Variants in RCAN1 observed in about 807,000 individuals in gnomAD.
RCAN1 encodes calcipressin-1.
In RCAN1, 11 loss-of-function variants were observed where a neutral mutation model predicts 22.9. The ratio of observed to expected loss-of-function variants is 0.48; its 90% CI spans 0.30 to 0.79. The LOEUF (loss-of-function observed/expected upper bound fraction) is 0.79, where lower values mean the gene tolerates loss of function less well. Among genes scored for constraint, RCAN1 ranks in the 30% least tolerant of loss-of-function variants. RCAN1 has a pLI of 0.06. For synonymous variants in RCAN1, 136 were observed against 142.3 expected (o/e 0.96, Z 0.32); for missense variants, 291 against 337.8 (o/e 0.86, Z 1.09).
At position 34,518,757 on chromosome 21, in the gene RCAN1, G is replaced by A. The variant is rs530458127; in HGVS notation, c.587-501C>T. 5.6e-4 allele frequency among the ~76,000 whole-genome samples: 86 copies of A among 152,346 alleles called. 1 individual carries two copies. The South Asian group carries it at 7.0e-3, about 12-fold the overall frequency. ...GCAGCAGACGCAGGGGTGGCTGCACGGAGCCAGGTGCTCTGGAAACGTTTT... is the reference window on the plus strand; with the variant it reads ...GCAGCAGACGCAGGGGTGGCTGCACAGAGCCAGGTGCTCTGGAAACGTTTT... On this transcript the variant is annotated intron_variant, in intron 3 of 3. Coordinates refer to ENST00000313806, the MANE Select transcript of RCAN1 (RefSeq NM_004414.7). This position sits in a 1 kb window ranked among gnomAD's most constrained non-coding sequence, Gnocchi z 4.2.
intron 1 of RCAN1, among the ~76,000 whole-genome samples, chr21:34,546,014 G>A (rs1435807399): frequency 6.6e-6 from 1 of 152,144 alleles, no homozygotes; most frequent in African/African-American, 2.4e-5. Flanking sequence ...TATCTTAACT[G>A]GATCTCTGTG....
At chr21:34,563,846 A>G (rs1392886860) in intron 1 of RCAN1, among the ~76,000 whole-genome samples, 1 of 143,400 alleles carries the variant, frequency 7.0e-6, no homozygotes, top group East Asian at 2.0e-4. Context: ...GGTGCCTATA[A>G]TCACAGCTAC....
At chr21:34,533,125 T>C (rs1246012422) in intron 1 of RCAN1, among the ~76,000 whole-genome samples, 3 of 151,762 alleles carry the variant, frequency 2.0e-5, no homozygotes, top group Non-Finnish European at 2.9e-5. Flanking sequence ...CACGCCCGGC[T>C]AATTTTTTGT....
chr21:34,538,238 C>G (rs1221762362), intron 1 of RCAN1, among the ~76,000 whole-genome samples: 1 of 152,222 alleles, frequency 6.6e-6, no homozygotes, highest in African/African-American at 2.4e-5. Flanking sequence ...AAGATAGTTT[C>G]TTAAAAGATC....
chr21:34,572,202 A>C (rs1987258103), intron 1 of RCAN1, among the ~76,000 whole-genome samples: 1 of 152,220 alleles, frequency 6.6e-6, no homozygotes, highest in African/African-American at 2.4e-5. Flanking sequence ...CCTCGAATTA[A>C]AAATTCCAGG....
intron 1 of RCAN1, among the ~76,000 whole-genome samples, chr21:34,535,401 C>CT (rs35170628): frequency 0.1 from 15,276 of 146,314 alleles, 1,190 homozygotes; most frequent in East Asian, 0.25. Context: ...AACACATAAC[C>CT]TTTTTTTTTT....
At chr21:34,533,012 G>C (rs1012770261) in intron 1 of RCAN1, among the ~76,000 whole-genome samples, 9 of 150,292 alleles carry the variant, frequency 6.0e-5, no homozygotes, top group African/African-American at 1.2e-4. Context: ...CCAGGCTGGA[G>C]TGCAGTGGCA....
chr21:34,545,357 A>G lies in RCAN1; in HGVS notation c.253-21647T>C, dbSNP rs1026078130. Among the ~76,000 whole-genome samples the G allele has an allele frequency of 4.6e-5, 7 of 152,230 alleles. 1 individual carries two copies. Among genetic ancestry groups the G allele is most frequent in the African/African-American group, 7.2e-5 (3 of 41,464 alleles). The stretch of plus-strand genomic sequence containing the variant: ...ACAGTTTCTAACAAAAGGCTTTGCT[A>G]GTACAGTGCCTGAGTGTGGGTGTCC... On this transcript the variant is annotated intron_variant, in intron 1 of 3. Coordinates refer to ENST00000313806, the MANE Select transcript of RCAN1 (RefSeq NM_004414.7).
chr21:34,533,855 G>A (rs1985545896), intron 1 of RCAN1, among the ~76,000 whole-genome samples: 1 of 152,304 alleles, frequency 6.6e-6, no homozygotes, highest in East Asian at 1.9e-4. Context: ...GGATGCTGGG[G>A]AACAGCATTC....
chr21:34,587,333 T>A (rs1443786037), intron 1 of RCAN1, among the ~76,000 whole-genome samples: 1 of 152,132 alleles, frequency 6.6e-6, no homozygotes, highest in Non-Finnish European at 1.5e-5. Flanking sequence ...CACCCAGATA[T>A]CTTTATCAGT....
intron 1 of RCAN1, among the ~76,000 whole-genome samples, chr21:34,552,896 C>T (rs542233447): frequency 2.6e-4 from 40 of 152,332 alleles, no homozygotes; most frequent in Admixed American, 2.3e-3. Context: ...GCTTTATGAA[C>T]TTCACATGAC....
At chr21:34,544,497 C>T (rs907423971) in intron 1 of RCAN1, among the ~76,000 whole-genome samples, 17 of 152,146 alleles carry the variant, frequency 1.1e-4, no homozygotes, top group Admixed American at 5.2e-4. Flanking sequence ...GAGCAGAGAA[C>T]CCTGTTGTGC....
At chr21:34,613,895 T>C (rs1305075740) in intron 1 of RCAN1, 1 of 1,373,302 alleles carries the variant, frequency 7.3e-7, no homozygotes, top group Non-Finnish European at 9.6e-7. Flanking sequence ...CTGCTTTTTT[T>C]GACAGCTGCT....
intron 1 of RCAN1, among the ~76,000 whole-genome samples, chr21:34,553,005 C>T (rs1428930517): frequency 6.6e-6 from 1 of 152,186 alleles, no homozygotes; most frequent in African/African-American, 2.4e-5. Flanking sequence ...GAATTTCAGA[C>T]TATCTTTCTA....
At chr21:34,560,999 G>C (rs1455292076) in intron 1 of RCAN1, among the ~76,000 whole-genome samples, 1 of 152,170 alleles carries the variant, frequency 6.6e-6, no homozygotes, top group Non-Finnish European at 1.5e-5. Context: ...CATGGGGGTG[G>C]TTTCCCTCAT....
chr21:34,556,650 T>C (rs1428271979), intron 1 of RCAN1, among the ~76,000 whole-genome samples: 2 of 152,232 alleles, frequency 1.3e-5, no homozygotes, highest in Non-Finnish European at 1.5e-5. Flanking sequence ...GGAAATAGTT[T>C]ATTTTTGCAA....
chr21:34,521,928 T>C (rs575766150), intron 2 of RCAN1: 2 of 454,120 alleles, frequency 4.4e-6, no homozygotes, highest in African/African-American at 2.0e-5. Context: ...TTGACCTAGA[T>C]GGACAGAAAA....
intron 1 of RCAN1, 115 bp from the exon 2 acceptor site, chr21:34,523,825 C>G: frequency 1.2e-6 from 1 of 835,918 alleles, no homozygotes; most frequent in Non-Finnish European, 1.8e-6. Context: ...CTCTGTCACC[C>G]AGGCTGGAGT....
intron 1 of RCAN1, chr21:34,525,093 A>C: frequency 6.4e-7 from 1 of 1,550,618 alleles, no homozygotes; most frequent in Non-Finnish European, 8.7e-7. Context: ...AGGACCTTGG[A>C]GAACCTATGG....
Sources: allele counts gnomAD v4.1 joint callset (sites outside exome capture counted in the v4.1 genomes callset), GRCh38; gene constraint gnomAD v4.1.1; non-coding constraint Gnocchi (gnomAD v3.1); transcripts MANE v1.5; gene names NCBI Gene and HGNC (gene_info 2026-07-23, HGNC 2026-07-21).